SPTBN2: variants seen among roughly 807,000 people sequenced by gnomAD.
The protein encoded by SPTBN2 is spectrin beta, non-erythrocytic 2, also known as spectrin beta chain, non-erythrocytic 2.
In SPTBN2, 107 loss-of-function variants were observed where a neutral mutation model predicts 284.2. That is an observed-to-expected ratio of 0.38 (90% CI 0.32 to 0.44). SPTBN2 has a LOEUF of 0.44. SPTBN2 is among the 20% of genes least tolerant of loss of function. The pLI, the probability that SPTBN2 is intolerant of heterozygous loss-of-function variation, is 1.00. For missense variants in SPTBN2, 2,569 were observed against 3,287.1 expected (o/e 0.78, Z 5.34); for synonymous variants, 1,289 against 1,354.8 (o/e 0.95, Z 1.07).
At chr11:66,688,405 G>A in intron 31 of SPTBN2, 94 bp from the exon 32 acceptor site, 2 of 1,540,102 alleles carry the variant, frequency 1.3e-6, no homozygotes, top group South Asian at 1.2e-5. Flanking sequence ...CTAATTTGAT[G>A]AAATATGATA....
chr11:66,707,714 G>A lies in SPTBN2; in HGVS notation c.1455C>T (p.Asp485=), dbSNP rs761617060. 2.6e-5 allele frequency: 42 copies of A among 1,605,222 alleles called. No homozygotes were observed. The highest frequency in any genetic ancestry group is 3.3e-4 in the Middle Eastern group (2 of 6,072). Residue 485 remains aspartate (D), a synonymous_variant, in exon 13 of 38, where the codon GAC becomes GAT. Transcript: ENST00000533211. This position sits in a 1 kb window ranked among gnomAD's most constrained non-coding sequence, Gnocchi z 4.9. ...CGGCGGCCAGCTCTGCAGCCACGGC[G>A]TCCACTGCCTGCACCCGGCCGCTGT... ...VAYSGRVQAV[D]AVAAELAAER... is the part of the protein sequence containing the mutation.
At position 66,687,653 on chromosome 11, in the gene SPTBN2, G is replaced by T. The variant is rs370873546; in HGVS notation, c.6502-6C>A. 1.3e-6 allele frequency: 2 copies of T among 1,588,930 alleles called. No individual in the cohort carries two copies. Among genetic ancestry groups the T allele is most frequent in the African/African-American group, 1.3e-5 (1 of 74,470 alleles). ...TCGTCCCCTGAGCCAGGTCCCTGGG[G>T]GGGAATCAGTGTCAGTGTCAAAGGT... On this transcript the variant is annotated splice_region_variant and splice_polypyrimidine_tract_variant and intron_variant, in intron 34 of 37. Transcript: ENST00000533211. The surrounding 1 kb of genome is among the most constrained non-coding windows in gnomAD (Gnocchi z 5.2).
In SPTBN2 at chr11:66,718,762, G is replaced by T. The variant is rs1474117448; in HGVS notation, c.157+2322C>A. Among the ~76,000 whole-genome samples, 1 of 152,246 alleles carries T rather than the reference G, an allele frequency of 6.6e-6. No homozygotes were observed. Among genetic ancestry groups the T allele is most frequent in the Non-Finnish European group, 1.5e-5 (1 of 68,042 alleles). On this transcript the variant is annotated intron_variant, in intron 3 of 37. Coordinates refer to ENST00000533211, the MANE Select transcript of SPTBN2 (RefSeq NM_006946.4). This position sits in a 1 kb window ranked among gnomAD's most constrained non-coding sequence, Gnocchi z 4.8. Reference sequence around the variant, plus strand: ...AGAATGGTGGGAATTTCAAGGAGTGGCAAAAAGAGTTACGGGGTGTCCCGA... The same window carrying T: ...AGAATGGTGGGAATTTCAAGGAGTGTCAAAAAGAGTTACGGGGTGTCCCGA...
chr11:66,727,777 C>T (rs1053852555), intron 1 of SPTBN2, among the ~76,000 whole-genome samples: 8 of 151,574 alleles, frequency 5.3e-5, no homozygotes, highest in South Asian at 2.1e-4. Context: ...CGGGCAGAGG[C>T]GGCCGAGCGC....
At position 66,688,276 on chromosome 11, in the gene SPTBN2, CCT is replaced by C. The variant is rs777878888; in HGVS notation, c.6265_6266del (p.Arg2089GlyfsTer31). On this transcript the variant is annotated frameshift_variant, in exon 32 of 38. Transcript: ENST00000533211. LOFTEE classifies it high-confidence loss of function. ...GCTGTTTCCGCCGCTCCTCCTCCTC[CCT>C]CTTTCTCTTTCGCTCCTTCTCCCGC... ...EEREKERKRK[R>X]EEEERRKQPP... 2 of 1,611,530 alleles carry C rather than the reference CCT, an allele frequency of 1.2e-6. No individual in the cohort carries two copies. The highest frequency in any genetic ancestry group is 1.7e-6 in the Non-Finnish European group (2 of 1,179,024).
At chr11:66,720,648 TGG>T (rs1942354366) in intron 3 of SPTBN2, among the ~76,000 whole-genome samples, 1 of 150,958 alleles carries the variant, frequency 6.6e-6, no homozygotes, top group Admixed American at 6.6e-5. Flanking sequence ...AAGGAACAGG[TGG>T]AGAGGGAGCA....
In SPTBN2 at chr11:66,687,586, C is replaced by A. The variant is rs1202379770; in HGVS notation, c.6563G>T (p.Gly2188Val). ...PRGERQTRTR[G>V]PAPSAMPQSR... Reference sequence around the variant, plus strand: ...CTGGGGCATTGCAGATGGGGCCGGGCCCCGAGTCCGGGTCTGCCTCTCTCC... The same window carrying A: ...CTGGGGCATTGCAGATGGGGCCGGGACCCGAGTCCGGGTCTGCCTCTCTCC... Residue 2188 changes from glycine to valine, a missense_variant, in exon 35 of 38, where the codon GGC (glycine) becomes GTC (valine). Gly to Val is a moderately radical substitution (Grantham distance 109). Around this residue, in one of 6 missense-constraint regions of SPTBN2, gnomAD observed 1,130 missense variants for 1,317.3 expected, o/e 0.86. Transcript: ENST00000533211. The surrounding 1 kb of genome is among the most constrained non-coding windows in gnomAD (Gnocchi z 5.2). The A allele has an allele frequency of 6.2e-7, 1 of 1,610,490 alleles. No individual in the cohort carries two copies.
chr11:66,688,893 C>G (rs1200764840), intron 30 of SPTBN2, 44 bp from the exon 31 acceptor site: 1 of 1,605,528 alleles, frequency 6.2e-7, no homozygotes, highest in Non-Finnish European at 8.5e-7. Flanking sequence ...GTCAGAGTGG[C>G]CACTGGCAGG....
chr11:66,693,249 G>A lies in SPTBN2; in HGVS notation c.4791C>T (p.Ala1597=), dbSNP rs202182305. Residue 1597 remains alanine (A), a synonymous_variant, in exon 24 of 38, where the codon GCC becomes GCT. Transcript: ENST00000533211. The surrounding 1 kb of genome is among the most constrained non-coding windows in gnomAD (Gnocchi z 5.7). The part of the protein sequence containing the change: ...ALRAQQFYRD[A]AEAEAWMGEQ... ...CGCCCATCCAGGCCTCCGCCTCGGC[G>A]GCATCGCGGTAGAACTGCTGGGCTC... 44 of 1,614,172 alleles carry A rather than the reference G, an allele frequency of 2.7e-5. No individual in the cohort carries two copies. Among genetic ancestry groups the A allele is most frequent in the East Asian group, 1.8e-4 (8 of 44,880 alleles).
At chr11:66,705,492 C>CA (rs1204643932) in intron 14 of SPTBN2, 24 bp from the exon 15 acceptor site, 35 of 1,612,616 alleles carry the variant, frequency 2.2e-5, no homozygotes, top group Non-Finnish European at 3.0e-5. Flanking sequence ...AGGAGAGGGT[C>CA]AGAGCCTTAA....
intron 1 of SPTBN2, among the ~76,000 whole-genome samples, chr11:66,743,914 G>T (rs577877328): frequency 7.3e-4 from 111 of 152,054 alleles, no homozygotes; most frequent in African/African-American, 2.5e-3. Flanking sequence ...AGGTTGGAGT[G>T]CAATGACGCG....
At chr11:66,694,484 G>A (rs1175134174) in intron 21 of SPTBN2, 121 bp from the exon 22 acceptor site, 13 of 988,588 alleles carry the variant, frequency 1.3e-5, no homozygotes, top group East Asian at 7.9e-5. Flanking sequence ...CTCACCCAGG[G>A]AGAGCATCCC....
chr11:66,695,255 C>T (rs1367807973), intron 21 of SPTBN2, among the ~76,000 whole-genome samples: 1 of 152,150 alleles, frequency 6.6e-6, no homozygotes, highest in Non-Finnish European at 1.5e-5. Flanking sequence ...ACAGCTGCAC[C>T]CCTTTTTAAA....
intron 15 of SPTBN2, among the ~76,000 whole-genome samples, chr11:66,702,956 A>AC (rs1941328566): frequency 6.6e-6 from 1 of 151,386 alleles, no homozygotes; most frequent in Admixed American, 6.6e-5. Flanking sequence ...AAAAAAAAAA[A>AC]AAAACCAAAA....
At chr11:66,716,028 C>T in intron 3 of SPTBN2, 47 bp from the exon 4 acceptor site, 1 of 1,612,654 alleles carries the variant, frequency 6.2e-7, no homozygotes, top group Non-Finnish European at 8.5e-7. Context: ...GTTCAGTATG[C>T]CTGCTTCTAA....
In SPTBN2 at chr11:66,691,120, CAG is replaced by C. The variant is rs1196126768; in HGVS notation, c.5565+162_5565+163del. On this transcript the variant is annotated intron_variant, in intron 27 of 37. Transcript: ENST00000533211. The surrounding 1 kb of genome is among the most constrained non-coding windows in gnomAD (Gnocchi z 8.0). ...GCGAGAGCCACCGCGCCTGGCCAAA[CAG>C]AGATGTTTTCTTGGAGCAATTTCCT... is the stretch of plus-strand genomic sequence containing the variant. 2.0e-5 allele frequency among the ~76,000 whole-genome samples: 3 copies of C among 152,292 alleles called. No homozygotes were observed. The highest frequency in any genetic ancestry group is 2.1e-4 in the South Asian group (1 of 4,832).
rs867636845 is a variant in SPTBN2 at position 66,684,922 on chromosome 11, C to T, written c.*949G>A. Among the ~76,000 whole-genome samples the T allele has an allele frequency of 1.5e-4, 23 of 152,322 alleles. No homozygotes were observed. The highest frequency in any genetic ancestry group is 5.2e-4 in the Admixed American group (8 of 15,304). On this transcript the variant is annotated 3_prime_UTR_variant, in exon 38 of 38. Transcript: ENST00000533211. ...GCTTCCCAGTCTTCCAATTTGAAAA[C>T]AGTTTAGAGATCACAAGTGAAGAAA... is the stretch of plus-strand genomic sequence containing the variant.
chr11:66,732,791 C>A (rs1942822667), upstream of SPTBN2, among the ~76,000 whole-genome samples: 1 of 150,136 alleles, frequency 6.7e-6, no homozygotes, highest in South Asian at 2.1e-4. Flanking sequence ...CATGGTGAAA[C>A]CTCATCTCTA....
chr11:66,715,746 CT>C lies in SPTBN2; in HGVS notation c.309+83del, dbSNP rs1467360344. The C allele has an allele frequency of 6.4e-7, 1 of 1,564,322 alleles. No individual in the cohort carries two copies. The highest frequency in any genetic ancestry group is 2.3e-5 in the East Asian group (1 of 42,666). ...CACTGCTTCCCGCCCTGTGCCGTCA[CT>C]CTCTCTGAGGGCTGTTCTTCCAGCT... On this transcript the variant is annotated intron_variant, in intron 4 of 37. Transcript: ENST00000533211. This position sits in a 1 kb window ranked among gnomAD's most constrained non-coding sequence, Gnocchi z 5.3.
Sources: allele counts gnomAD v4.1 joint callset (sites outside exome capture counted in the v4.1 genomes callset), GRCh38; gene constraint gnomAD v4.1.1; regional missense constraint gnomAD v4.1.1; non-coding constraint Gnocchi (gnomAD v3.1); transcripts MANE v1.5; gene names NCBI Gene and HGNC (gene_info 2026-07-23, HGNC 2026-07-21).